GRM5: variants seen among roughly 807,000 people sequenced by gnomAD.
The protein encoded by GRM5 is metabotropic glutamate receptor 5.
A neutral mutation model predicts 83.1 loss-of-function variants in GRM5; 19 were observed. The ratio of observed to expected loss-of-function variants is 0.23; its 90% CI spans 0.16 to 0.34. The LOEUF (loss-of-function observed/expected upper bound fraction) is 0.34, where lower values mean the gene tolerates loss of function less well. Among genes scored for constraint, GRM5 ranks in the 10% least tolerant of loss-of-function variants. The probability of loss-of-function intolerance (pLI) is 1.00; values close to 1 mark genes in which losing one functional copy is unlikely to be tolerated. For missense variants in GRM5, 1,160 were observed against 1,588.3 expected (o/e 0.73, Z 4.58); for synonymous variants, 675 against 633.6 (o/e 1.07, Z -0.98).
At chr11:88,841,913 C>G (rs1944210356) in intron 3 of GRM5, among the ~76,000 whole-genome samples, 1 of 152,104 alleles carries the variant, frequency 6.6e-6, no homozygotes, top group Non-Finnish European at 1.5e-5. Context: ...GATGATTAGC[C>G]TCATACTGTG....
intron 8 of GRM5, among the ~76,000 whole-genome samples, chr11:88,555,344 C>T (rs1942600401): frequency 1.3e-5 from 2 of 152,100 alleles, no homozygotes; most frequent in South Asian, 4.1e-4. Flanking sequence ...GGAAGTCTTA[C>T]CCCATAAAAT....
chr11:88,633,667 T>G (rs969874545), intron 4 of GRM5, among the ~76,000 whole-genome samples: 21 of 152,264 alleles, frequency 1.4e-4, no homozygotes, highest in African/African-American at 4.8e-4. Flanking sequence ...CCCAATTACC[T>G]GACTAAATTT....
chr11:88,766,290 T>C (rs972249740), intron 3 of GRM5, among the ~76,000 whole-genome samples: 1 of 152,000 alleles, frequency 6.6e-6, no homozygotes, highest in Non-Finnish European at 1.5e-5. Flanking sequence ...GGCATCACAT[T>C]ACCTGACTTC....
chr11:88,864,350 A>C (rs548714537), intron 2 of GRM5, among the ~76,000 whole-genome samples: 3 of 152,002 alleles, frequency 2.0e-5, no homozygotes, highest in South Asian at 2.1e-4. Context: ...GTGGCGCTCC[A>C]GAAGGATACA....
In GRM5 at chr11:88,930,373, C is replaced by A. The variant is rs145969607; in HGVS notation, c.662-80218G>T. Among the ~76,000 whole-genome samples, 946 of 152,120 alleles carry A rather than the reference C, an allele frequency of 6.2e-3. 6 individuals carry two copies. Among genetic ancestry groups the A allele is most frequent in the African/African-American group, 0.021 (884 of 41,522 alleles). ...AGGCTGCAATGAGCTGTGTTTGTAC[C>A]ACTGTATTCCAGCCCGGGCAACAGA... On this transcript the variant is annotated intron_variant, in intron 2 of 9. Coordinates refer to ENST00000305447, the MANE Select transcript of GRM5 (RefSeq NM_001143831.3).
At chr11:88,937,298 T>C (rs1035112007) in intron 2 of GRM5, among the ~76,000 whole-genome samples, 3 of 151,744 alleles carry the variant, frequency 2.0e-5, no homozygotes, top group Non-Finnish European at 4.4e-5. Context: ...TTAGTAATGA[T>C]ATTCTCTGTA....
At chr11:88,544,977 G>T (rs917129991) in intron 8 of GRM5, among the ~76,000 whole-genome samples, 1 of 152,150 alleles carries the variant, frequency 6.6e-6, no homozygotes, top group Non-Finnish European at 1.5e-5. Flanking sequence ...TTACATCTTT[G>T]CCTGGGCCTT....
At chr11:88,619,726 C>T (rs1233349485) in intron 4 of GRM5, among the ~76,000 whole-genome samples, 1 of 152,062 alleles carries the variant, frequency 6.6e-6, no homozygotes, top group East Asian at 1.9e-4. Context: ...GGAGTTAAAT[C>T]TTTGTGTTAG....
chr11:88,639,619 G>A (rs1191495299), intron 4 of GRM5, among the ~76,000 whole-genome samples: 5 of 148,376 alleles, frequency 3.4e-5, no homozygotes, highest in Admixed American at 6.8e-5. Context: ...ATGGAGTCTC[G>A]CACTGTCACC....
At chr11:88,901,411 G>A (rs1405798331) in intron 2 of GRM5, among the ~76,000 whole-genome samples, 2 of 151,962 alleles carry the variant, frequency 1.3e-5, no homozygotes, top group Non-Finnish European at 2.9e-5. Flanking sequence ...TTCAATGTTA[G>A]GAAAGACCTG....
At chr11:88,924,464 T>C (rs1207884026) in intron 2 of GRM5, among the ~76,000 whole-genome samples, 1 of 152,090 alleles carries the variant, frequency 6.6e-6, no homozygotes, top group East Asian at 1.9e-4. Flanking sequence ...ATGAATACTA[T>C]TCAGCCTTGA....
chr11:88,668,709 ATTG>A (rs1290734357), intron 3 of GRM5, among the ~76,000 whole-genome samples: 1 of 152,176 alleles, frequency 6.6e-6, no homozygotes, highest in East Asian at 1.9e-4. Flanking sequence ...ACAGTACAAT[ATTG>A]TTAACTATAA....
chr11:88,813,524 T>C (rs1436242823), intron 3 of GRM5, among the ~76,000 whole-genome samples: 1 of 152,164 alleles, frequency 6.6e-6, no homozygotes, highest in Non-Finnish European at 1.5e-5. Context: ...GCTTGAAACA[T>C]TTTGGGGCTC....
chr11:88,597,066 A>G, intron 6 of GRM5, 118 bp downstream of exon 6: 1 of 602,238 alleles, frequency 1.7e-6, no homozygotes, highest in South Asian at 2.6e-5. Flanking sequence ...AATTTCTGAC[A>G]TTAGAAGCTT....
chr11:88,605,465 C>G (rs1005630910), intron 4 of GRM5, among the ~76,000 whole-genome samples: 1 of 151,714 alleles, frequency 6.6e-6, no homozygotes, highest in African/African-American at 2.4e-5. Flanking sequence ...AAAGCATATG[C>G]TCTCTATAAA....
intron 6 of GRM5, among the ~76,000 whole-genome samples, chr11:88,596,957 G>T (rs1227142177): frequency 1.3e-5 from 2 of 152,056 alleles, no homozygotes; most frequent in African/African-American, 2.4e-5. Context: ...TGTATGAGCA[G>T]AAACGGTGTG....
intron 3 of GRM5, among the ~76,000 whole-genome samples, chr11:88,699,257 C>G (rs894164721): frequency 6.6e-6 from 1 of 152,132 alleles, no homozygotes; most frequent in Non-Finnish European, 1.5e-5. Flanking sequence ...GGCTTTGAAC[C>G]TAACTTTTCA....
chr11:89,018,470 TA>T (rs1398619956), intron 2 of GRM5, among the ~76,000 whole-genome samples: 5 of 152,210 alleles, frequency 3.3e-5, no homozygotes, highest in Admixed American at 1.3e-4. Flanking sequence ...ACTAATTCAT[TA>T]AAAAATGCAT....
At position 88,508,575 on chromosome 11, in the gene GRM5, G is replaced by T. The variant is rs1246222037; in HGVS notation, c.*17C>A. 5 of 1,600,308 alleles carry T rather than the reference G, an allele frequency of 3.1e-6. No individual in the cohort carries two copies. Among genetic ancestry groups the T allele is most frequent in the African/African-American group, 2.7e-5 (2 of 73,760 alleles). On this transcript the variant is annotated 3_prime_UTR_variant, in exon 10 of 10. Transcript: ENST00000305447. The surrounding 1 kb of genome is among the most constrained non-coding windows in gnomAD (Gnocchi z 4.2). ...CTCCGCTCCGCACGCGCAGGCCGGC[G>T]TGCTTTCCAGGGACATTCACAACGA...
Sources: allele counts gnomAD v4.1 joint callset (sites outside exome capture counted in the v4.1 genomes callset), GRCh38; gene constraint gnomAD v4.1.1; non-coding constraint Gnocchi (gnomAD v3.1); transcripts MANE v1.5; gene names NCBI Gene and HGNC (gene_info 2026-07-23, HGNC 2026-07-21).